Variants in UFD1 observed in about 807,000 individuals in gnomAD.
The protein encoded by UFD1 is ubiquitin recognition factor in ER-associated degradation protein 1.
In UFD1, 13 loss-of-function variants were observed where a neutral mutation model predicts 45.9. The observed-to-expected ratio is 0.28, with a 90% CI of 0.18 to 0.45. UFD1 has a LOEUF of 0.45. UFD1 is among the 20% of genes least tolerant of loss of function. The pLI is 1.00. For synonymous variants in UFD1, 128 were observed against 139.2 expected, an observed-to-expected ratio of 0.92 and a Z score of 0.56; for missense variants, 218 against 389.2, an observed-to-expected ratio of 0.56 and a Z score of 3.70.
chr22:19,468,020 G>A lies in UFD1; in HGVS notation c.292-17C>T, dbSNP rs961129049. 8 of 1,613,508 alleles carry A rather than the reference G, an allele frequency of 5.0e-6. No homozygotes were observed. The highest frequency in any genetic ancestry group is 3.3e-5 in the Admixed American group (2 of 59,942). Reference sequence around the variant, plus strand: ...CTGCATCATCTGAAAGGAAGAAGAGGCTACATGAGACTCCTAGAGATGAAG... The same window carrying A: ...CTGCATCATCTGAAAGGAAGAAGAGACTACATGAGACTCCTAGAGATGAAG... On this transcript the variant is annotated splice_polypyrimidine_tract_variant and intron_variant, in intron 4 of 11. Coordinates refer to ENST00000263202, the MANE Select transcript of UFD1 (RefSeq NM_005659.7).
chr22:19,465,262 T>C lies in UFD1; in HGVS notation c.435A>G (p.Ala145=), dbSNP rs1161653110. 4.3e-6 allele frequency: 7 copies of C among 1,614,036 alleles called. No homozygotes were observed. The African/African-American group carries it at 6.7e-5, about 15-fold the overall frequency. ...TGGTCAGACAGGCAAAGTTCCTAAG[T>C]GCGTTTTCTAATCTGCAGACACATT... ...ITNPKAVLEN[A]LRNFACLTTG... The change falls in exon 6 of 12, where the codon GCA becomes GCG. Residue 145 remains alanine, a synonymous_variant. Coordinates refer to ENST00000263202, the MANE Select transcript of UFD1 (RefSeq NM_005659.7).
At chr22:19,451,350 T>G (rs1322627064) in intron 11 of UFD1, 1 of 985,360 alleles carries the variant, frequency 1.0e-6, no homozygotes, top group Non-Finnish European at 1.2e-6. Context: ...GGTAAGCAGC[T>G]TAATGTATTT....
intron 6 of UFD1, among the ~76,000 whole-genome samples, chr22:19,460,964 C>T (rs2089762142): frequency 6.6e-6 from 1 of 152,100 alleles, no homozygotes; most frequent in Non-Finnish European, 1.5e-5. Context: ...CTATGTTACC[C>T]AGGCTACTCT....
At chr22:19,451,578 C>T (rs2089683086) in intron 11 of UFD1, 8 of 985,256 alleles carry the variant, frequency 8.1e-6, no homozygotes, top group Non-Finnish European at 9.6e-6. Context: ...GAGGCATTAT[C>T]TCAACTTTTC....
Position 19,450,471 on chromosome 22 carries a change from T to C in UFD1, c.*199A>G, listed in dbSNP as rs1366965000. The C allele has an allele frequency of 3.1e-6, 2 of 645,636 alleles. No homozygotes were observed. Among genetic ancestry groups the C allele is most frequent in the Non-Finnish European group, 5.1e-6 (2 of 392,494 alleles). The allele number at this position is 645,636 out of a possible 1,614,324, so 40.0% of individuals were successfully genotyped here. On this transcript the variant is annotated 3_prime_UTR_variant, in exon 12 of 12. Coordinates refer to ENST00000263202, the MANE Select transcript of UFD1 (RefSeq NM_005659.7). Reference sequence around the variant, plus strand: ...GCCCTCAGGGACAGCTCTTTGTCTTTCCCCAAATCAAGCATACAACTACAA... The same window carrying C: ...GCCCTCAGGGACAGCTCTTTGTCTTCCCCCAAATCAAGCATACAACTACAA...
intron 6 of UFD1, among the ~76,000 whole-genome samples, chr22:19,458,416 A>G (rs983998924): frequency 2.6e-5 from 4 of 152,196 alleles, no homozygotes; most frequent in Admixed American, 2.0e-4. Context: ...TTTAACCTGG[A>G]AAGTTCACTT....
intron 3 of UFD1, among the ~76,000 whole-genome samples, chr22:19,472,469 C>T (rs1439632667): frequency 6.6e-6 from 1 of 152,228 alleles, no homozygotes; most frequent in Non-Finnish European, 1.5e-5. Flanking sequence ...AGGGTCATGA[C>T]ATAGGACGCC....
At position 19,450,574 on chromosome 22, in the gene UFD1, C is replaced by G; in HGVS notation, c.*96G>C. ...AATAAATCTTAAGTAACAGAGTATT[C>G]TCTGATGAGGCTCGTCCCTGTCAGT... On this transcript the variant is annotated 3_prime_UTR_variant, in exon 12 of 12. Transcript: ENST00000263202. The G allele has an allele frequency of 6.8e-7, 1 of 1,467,676 alleles. No homozygotes were observed. The highest frequency in any genetic ancestry group is 1.2e-5 in the South Asian group (1 of 86,208). 90.9% of individuals were successfully genotyped at this position (1,467,676 alleles called of 1,614,324 possible).
chr22:19,471,492 C>T (rs748080118), intron 4 of UFD1, 195 bp downstream of exon 4: 30 of 837,950 alleles, frequency 3.6e-5, no homozygotes, highest in Middle Eastern at 2.2e-4. Context: ...CCCACAGGTG[C>T]GTCCAGAGCC....
chr22:19,471,174 G>C (rs1478247661), intron 4 of UFD1: 3 of 497,140 alleles, frequency 6.0e-6, no homozygotes, highest in Non-Finnish European at 8.0e-6. Flanking sequence ...TCCCAGCCCA[G>C]ATCTGCAATG....
chr22:19,459,450 T>C (rs1343608970), intron 6 of UFD1, among the ~76,000 whole-genome samples: 1 of 152,002 alleles, frequency 6.6e-6, no homozygotes, highest in Admixed American at 6.5e-5. Context: ...CCGTCTCTAC[T>C]AAAAAATACA....
chr22:19,478,020 C>T (rs534262075), intron 1 of UFD1, among the ~76,000 whole-genome samples: 3 of 152,306 alleles, frequency 2.0e-5, no homozygotes, highest in African/African-American at 7.2e-5. Flanking sequence ...TAGGGGCTTG[C>T]TTCCCTTGAG....
intron 4 of UFD1, among the ~76,000 whole-genome samples, chr22:19,469,173 C>T (rs1301283030): frequency 6.6e-6 from 1 of 152,166 alleles, no homozygotes; most frequent in Non-Finnish European, 1.5e-5. Context: ...GCTTTGGTAA[C>T]GGGGGTCTGG....
At position 19,479,179 on chromosome 22, in the gene UFD1, G is replaced by T. The variant is rs2089928334; in HGVS notation, c.-94C>A. 7 of 1,575,454 alleles carry T rather than the reference G, an allele frequency of 4.4e-6. No homozygotes were observed. Among genetic ancestry groups the T allele is most frequent in the Admixed American group, 1.9e-5 (1 of 53,676 alleles). On this transcript the variant is annotated 5_prime_UTR_variant, in exon 1 of 12. Transcript: ENST00000263202. The stretch of plus-strand genomic sequence containing the variant: ...CCCAGCCGCCGCTGCCGCTGCCGCC[G>T]CGCCAAGCCGGTACGCCCCAGAGGC...
intron 11 of UFD1, chr22:19,451,569 A>G: frequency 3.0e-6 from 3 of 985,362 alleles, no homozygotes; most frequent in African/African-American, 1.7e-5. Context: ...AGTCAGTCTG[A>G]GGCATTATCT....
At chr22:19,470,838 T>G (rs1282462771) in intron 4 of UFD1, 3 of 461,776 alleles carry the variant, frequency 6.5e-6, no homozygotes, top group Non-Finnish European at 8.7e-6. Flanking sequence ...GCAGGAGAGG[T>G]GGGCTGTGCT....
chr22:19,468,431 C>G (rs181307021), intron 4 of UFD1, among the ~76,000 whole-genome samples: 15 of 152,274 alleles, frequency 9.9e-5, no homozygotes, highest in Non-Finnish European at 1.8e-4. Context: ...AATGGCCCAC[C>G]ACAGCTGAGG....
chr22:19,471,350 C>A (rs746121555), intron 4 of UFD1: 1 of 578,088 alleles, frequency 1.7e-6, no homozygotes, highest in Non-Finnish European at 3.3e-6. Context: ...AAACCTCAAA[C>A]ACCCTACTTA....
chr22:19,452,234 G>GGCT, intron 11 of UFD1: 1 of 152,460 alleles, frequency 6.6e-6, no homozygotes, highest in Middle Eastern at 3.4e-3. Flanking sequence ...GCTTGCAGAT[G>GGCT]GCTGCCTTCT....
Sources: allele counts gnomAD v4.1 joint callset (sites outside exome capture counted in the v4.1 genomes callset), GRCh38; gene constraint gnomAD v4.1.1; transcripts MANE v1.5; gene names NCBI Gene and HGNC (gene_info 2026-07-23, HGNC 2026-07-21).